ANK3: variants seen among roughly 807,000 people sequenced by gnomAD.
ANK3 encodes the protein ankyrin-3.
Under a neutral mutation model 370.9 loss-of-function variants are expected in ANK3, and 57 were observed. The ratio of observed to expected loss-of-function variants is 0.15; its 90% CI spans 0.12 to 0.19. The LOEUF is 0.19. Ranked by LOEUF, ANK3 falls within the 10% of genes least tolerant of loss-of-function variation. The probability of loss-of-function intolerance (pLI) is 1.00; values close to 1 mark genes in which losing one functional copy is unlikely to be tolerated. For synonymous variants in ANK3, 1,929 were observed against 1,946.3 expected, an observed-to-expected ratio of 0.99 and a Z score of 0.23; for missense variants, 4,439 against 5,302.1, an observed-to-expected ratio of 0.84 and a Z score of 5.06.
intron 26 of ANK3, among the ~76,000 whole-genome samples, chr10:60,109,603 C>T (rs1006273349): frequency 8.5e-5 from 13 of 152,164 alleles, no homozygotes; most frequent in South Asian, 2.1e-4. Flanking sequence ...AGATTTGCTA[C>T]GGTGATTTTG....
At position 60,073,313 on chromosome 10, in the gene ANK3, G is replaced by A; in HGVS notation, c.7568C>T (p.Ser2523Phe). The change falls in exon 37 of 44, where the codon TCT (serine) becomes TTT (phenylalanine). Residue 2523 changes from serine (S) to phenylalanine (F), a missense_variant. Around this residue, in one of 13 missense-constraint regions of ANK3, gnomAD observed 1,601 missense variants for 1,731.7 expected, o/e 0.92. Transcript: ENST00000280772. ...EILSKIYKDV[S>F]ENGVGKVSKD... ...AGACACTTTACCTACACCATTTTCA[G>A]AAACATCTTTATAGATTTTGGAGAG... 6.2e-7 allele frequency: 1 copy of A among 1,613,968 alleles called. No individual in the cohort carries two copies. Among genetic ancestry groups the A allele is most frequent in the East Asian group, 2.2e-5 (1 of 44,872 alleles).
intron 2 of ANK3, among the ~76,000 whole-genome samples, chr10:60,464,062 T>C (rs2064954573): frequency 1.3e-5 from 2 of 152,198 alleles, no homozygotes; most frequent in South Asian, 2.1e-4. Flanking sequence ...TATGAAACTT[T>C]GTGCCTTCTA....
chr10:60,684,476 C>G, intron 1 of ANK3: 4 of 1,317,214 alleles, frequency 3.0e-6, no homozygotes, highest in Non-Finnish European at 4.2e-6. Context: ...GAAAGCGTTT[C>G]AATTTGGGAC....
At chr10:60,445,392 AAAAC>A (rs895297546) in intron 2 of ANK3, among the ~76,000 whole-genome samples, 1 of 152,168 alleles carries the variant, frequency 6.6e-6, no homozygotes, top group African/African-American at 2.4e-5. Context: ...CCTGTGCCAA[AAAAC>A]AAACAAGCAA....
chr10:60,527,816 A>C (rs1381637604), intron 2 of ANK3, among the ~76,000 whole-genome samples: 2 of 152,120 alleles, frequency 1.3e-5, no homozygotes, highest in African/African-American at 4.8e-5. Context: ...ATTTCAGGGA[A>C]AAGCTGATTC....
At chr10:60,241,353 T>C (rs2097455001) in intron 7 of ANK3, among the ~76,000 whole-genome samples, 1 of 152,216 alleles carries the variant, frequency 6.6e-6, no homozygotes, top group Non-Finnish European at 1.5e-5. Flanking sequence ...TTATATATAT[T>C]AGTTTCTTAA....
Position 60,292,412 on chromosome 10 carries a change from A to T in ANK3, c.115-12773T>A, listed in dbSNP as rs370177471. On this transcript the variant is annotated intron_variant, in intron 1 of 43. Coordinates refer to ENST00000280772, the MANE Select transcript of ANK3 (RefSeq NM_020987.5). The stretch of plus-strand genomic sequence containing the variant: ...CATTCTCAGGGCTAAGCAATTCAAA[A>T]CATACAGCAGCCCTGGAGAATTTTT... Among the ~76,000 whole-genome samples, 6 of 152,220 alleles carry T rather than the reference A, an allele frequency of 3.9e-5. No individual in the cohort carries two copies. The East Asian group carries it at 9.7e-4, about 24-fold the overall frequency.
intron 1 of ANK3, among the ~76,000 whole-genome samples, chr10:60,627,860 G>T (rs1263144074): frequency 6.6e-6 from 1 of 151,994 alleles, no homozygotes; most frequent in East Asian, 1.9e-4. Context: ...CACTAGTGTT[G>T]TTATCTTCAT....
At chr10:60,469,094 T>TAC (rs1555377124) in intron 2 of ANK3, among the ~76,000 whole-genome samples, 1,203 of 37,948 alleles carry the variant, frequency 0.032, 148 homozygotes, top group South Asian at 0.092. Context: ...TATATATATA[T>TAC]ACCACTTTTA....
chr10:60,391,787 T>A (rs977408825), upstream of ANK3, among the ~76,000 whole-genome samples: 1 of 152,342 alleles, frequency 6.6e-6, no homozygotes, highest in Admixed American at 6.5e-5. Context: ...GCCACAGGTA[T>A]TTTTCAACAT....
rs775777081 is a variant in ANK3 at position 60,166,635 on chromosome 10, G to A, written c.2570C>T (p.Pro857Leu). ...ATATTCGCCATCACTGAGCATTTCA[G>A]GGGCATTGGCTTTACGAACTGCATG... ...SDDEVRKANAPEMLSDGEYIS... is the reference protein window; with the variant it reads ...SDDEVRKANALEMLSDGEYIS... The change falls in exon 23 of 44, where the codon CCT (proline) becomes CTT (leucine). Residue 857 changes from proline (P) to leucine (L), a missense_variant. This residue lies in a region of ANK3 where 702 missense variants were observed against 941.5 expected (regional missense o/e 0.75). Transcript: ENST00000280772. The A allele has an allele frequency of 7.4e-6, 12 of 1,613,682 alleles. No individual in the cohort carries two copies. In the South Asian group the frequency reaches 1.3e-4, roughly 18 times the overall value.
At chr10:60,434,574 A>G (rs2064111234) in intron 2 of ANK3, among the ~76,000 whole-genome samples, 2 of 152,228 alleles carry the variant, frequency 1.3e-5, no homozygotes, top group Non-Finnish European at 2.9e-5. Context: ...ATTCTTTGGC[A>G]GGTTCATCTT....
intron 16 of ANK3, among the ~76,000 whole-genome samples, chr10:60,194,446 CTCTG>C (rs935123765): frequency 1.3e-5 from 2 of 152,152 alleles, no homozygotes; most frequent in African/African-American, 4.8e-5. Flanking sequence ...ATCCACCATC[CTCTG>C]TCTGTCTCTA....
At chr10:60,472,999 A>G (rs2065254998) in intron 2 of ANK3, among the ~76,000 whole-genome samples, 1 of 152,184 alleles carries the variant, frequency 6.6e-6, no homozygotes. Context: ...AGGCAGCTCT[A>G]AGGTAGGAAT....
At chr10:60,510,153 C>G (rs1008786214) in intron 2 of ANK3, among the ~76,000 whole-genome samples, 1 of 152,020 alleles carries the variant, frequency 6.6e-6, no homozygotes, top group Admixed American at 6.6e-5. Flanking sequence ...TCTCCCCTTA[C>G]AAAATATTTG....
intron 1 of ANK3, among the ~76,000 whole-genome samples, chr10:60,320,499 G>T (rs941725927): frequency 2.0e-5 from 3 of 152,188 alleles, no homozygotes; most frequent in Admixed American, 6.5e-5. Context: ...GGAGGCTGAG[G>T]CGGGCATGAG....
chr10:60,404,785 C>A (rs965479262), intron 2 of ANK3, among the ~76,000 whole-genome samples: 1 of 152,030 alleles, frequency 6.6e-6, no homozygotes, highest in Non-Finnish European at 1.5e-5. Flanking sequence ...GAATAGGCCA[C>A]GAGTGGAAGA....
chr10:60,243,481 C>T (rs1309125217), intron 7 of ANK3, among the ~76,000 whole-genome samples: 4 of 152,126 alleles, frequency 2.6e-5, no homozygotes, highest in Admixed American at 2.0e-4. Flanking sequence ...TTGACAAGGC[C>T]CTCACCAGAT....
chr10:60,083,815 C>A (rs2085924964), intron 32 of ANK3, 198 bp from the exon 33 acceptor site: 2 of 506,914 alleles, frequency 3.9e-6, no homozygotes, highest in Admixed American at 3.9e-5. Flanking sequence ...GAATCCATAT[C>A]ATGGACATAT....
Sources: gnomAD v4.1 joint callset for allele counts (sites outside exome capture counted in the v4.1 genomes callset) on GRCh38, gnomAD v4.1.1 for gene constraint, gnomAD v4.1.1 regional missense constraint, MANE v1.5 for transcripts, NCBI Gene and HGNC (gene_info 2026-07-23, HGNC 2026-07-21) for gene names.